The following RAB14 variants were observed in gnomAD, a reference collection of about 807,000 sequenced individuals.
RAB14 encodes the protein ras-related protein Rab-14.
In RAB14, 3 loss-of-function variants were observed where a neutral mutation model predicts 31.1. The ratio of observed to expected loss-of-function variants is 0.10; its 90% confidence interval spans 0.04 to 0.25. The LOEUF (loss-of-function observed/expected upper bound fraction) is 0.25, where lower values mean the gene tolerates loss of function less well. Ranked by LOEUF, RAB14 falls within the 10% of genes least tolerant of loss-of-function variation. RAB14 has a pLI of 1.00. For synonymous variants in RAB14, 85 were observed against 84.9 expected, an observed-to-expected ratio of 1.00 and a Z score of 0.00; for missense variants, 111 against 260.1, an observed-to-expected ratio of 0.43 and a Z score of 3.94.
intron 1 of RAB14, among the ~76,000 whole-genome samples, chr9:121,196,355 T>TA (rs1214863404): frequency 1.3e-5 from 2 of 152,196 alleles, no homozygotes; most frequent in African/African-American, 4.8e-5. Flanking sequence ...AACAGGCATT[T>TA]AACACATAAT....
chr9:121,186,089 A>T (rs1266435879), intron 5 of RAB14, among the ~76,000 whole-genome samples: 1 of 152,140 alleles, frequency 6.6e-6, no homozygotes, highest in African/African-American at 2.4e-5. Flanking sequence ...AGTGAGACAC[A>T]AGCCTTGTTC....
chr9:121,182,666 T>C (rs1220305738), intron 7 of RAB14, among the ~76,000 whole-genome samples: 1 of 152,204 alleles, frequency 6.6e-6, no homozygotes. Context: ...CAAACACTTT[T>C]GAAATGTAAA....
At chr9:121,184,386 T>C (rs764971297) in intron 5 of RAB14, among the ~76,000 whole-genome samples, 1 of 152,132 alleles carries the variant, frequency 6.6e-6, no homozygotes, top group South Asian at 2.1e-4. Flanking sequence ...AAAAAATATG[T>C]ACCCTTGGGA....
intron 5 of RAB14, 102 bp from the exon 6 acceptor site, chr9:121,183,500 G>T (rs1382228146): frequency 1.4e-5 from 12 of 879,952 alleles, no homozygotes; most frequent in Non-Finnish European, 2.1e-5. Flanking sequence ...AAAATGACTG[G>T]GCCTAAAAAG....
rs779012859 is a variant in RAB14 at position 121,180,194 on chromosome 9, A to T, written c.*1202T>A. On this transcript the variant is annotated 3_prime_UTR_variant, in exon 8 of 8. Coordinates refer to ENST00000373840, the MANE Select transcript of RAB14 (RefSeq NM_016322.4). ...GGGATATCTTAAGTTATTTCACTGT[A>T]GGGTTAAAAATGCACAATTTAAAAT... 5.2e-5 allele frequency: 8 copies of T among 152,682 alleles called. No individual in the cohort carries two copies. The highest frequency in any genetic ancestry group is 7.3e-5 in the Non-Finnish European group (5 of 68,042). The allele number at this position is 152,682 out of a possible 1,614,324, so 9.5% of individuals were successfully genotyped here.
At position 121,182,656 on chromosome 9, in the gene RAB14, C is replaced by CA. The variant is rs2053639500; in HGVS notation, c.470+273dup. Among the ~76,000 whole-genome samples, 4 of 152,286 alleles carry CA rather than the reference C, an allele frequency of 2.6e-5. No homozygotes were observed. In the South Asian group the frequency reaches 8.3e-4, roughly 32 times the overall value. On this transcript the variant is annotated intron_variant, in intron 7 of 7. Transcript: ENST00000373840. ...TCAAACACTGTCATTTGGGAAAAGTCAAACACTTTTGAAATGTAAACAAAG... is the reference window on the plus strand; with the variant it reads ...TCAAACACTGTCATTTGGGAAAAGTCAAAACACTTTTGAAATGTAAACAAAG...
At chr9:121,188,035 T>C (rs2053666929) in intron 4 of RAB14, among the ~76,000 whole-genome samples, 1 of 151,990 alleles carries the variant, frequency 6.6e-6, no homozygotes, top group East Asian at 1.9e-4. Context: ...TCAAAGTATA[T>C]AGTTCTTTCC....
chr9:121,196,686 T>C (rs1270338589), intron 1 of RAB14, among the ~76,000 whole-genome samples: 3 of 152,196 alleles, frequency 2.0e-5, no homozygotes. Flanking sequence ...CATGTAGCTC[T>C]GCAGTATTCA....
chr9:121,191,844 G>T (rs2053688572), intron 3 of RAB14, among the ~76,000 whole-genome samples: 1 of 152,060 alleles, frequency 6.6e-6, no homozygotes, highest in South Asian at 2.1e-4. Flanking sequence ...GATACATGCA[G>T]CAAATTTCTC....
intron 5 of RAB14, 125 bp downstream of exon 5, chr9:121,186,828 A>G: frequency 1.9e-6 from 1 of 522,084 alleles, no homozygotes. Flanking sequence ...AACTAATTGA[A>G]GAATACAATA....
intron 1 of RAB14, among the ~76,000 whole-genome samples, chr9:121,200,679 C>T (rs2053760183): frequency 1.3e-5 from 2 of 152,024 alleles, no homozygotes; most frequent in Middle Eastern, 3.2e-3. Flanking sequence ...TGTCTGTAAC[C>T]CTAGCCTAAT....
At chr9:121,183,592 T>C (rs909979420) in intron 5 of RAB14, among the ~76,000 whole-genome samples, 194 bp from the exon 6 acceptor site, 3 of 152,234 alleles carry the variant, frequency 2.0e-5, no homozygotes, top group African/African-American at 7.2e-5. Flanking sequence ...AGCAATGATC[T>C]AGGTCAGGGG....
chr9:121,194,056 A>C (rs1392344497), intron 1 of RAB14, among the ~76,000 whole-genome samples: 3 of 151,430 alleles, frequency 2.0e-5, no homozygotes. Flanking sequence ...TGGCATTTTC[A>C]TATAGCTCAA....
rs1306857514 is a variant in RAB14 at position 121,178,291 on chromosome 9, C to CTT, written c.*3103_*3104dup. 1.3e-5 allele frequency: 2 copies of CTT among 152,166 alleles called. No individual in the cohort carries two copies. The highest frequency in any genetic ancestry group is 3.8e-4 in the East Asian group (2 of 5,200). The allele number at this position is 152,166 out of a possible 1,614,324, so 9.4% of individuals were successfully genotyped here. The stretch of plus-strand genomic sequence containing the variant: ...CATCTTTCAAAACAAAACTTGATTT[C>CTT]TTTTGTATTTACATTTTTTGTTTCA... On this transcript the variant is annotated 3_prime_UTR_variant, in exon 8 of 8. Transcript: ENST00000373840.
At chr9:121,181,620 AAAGAC>A in intron 7 of RAB14, 47 bp from the exon 8 acceptor site, 1 of 1,487,056 alleles carries the variant, frequency 6.7e-7, no homozygotes. Context: ...GTTTTCTACA[AAAGAC>A]AAGACACTGA....
rs2053610598 is a variant in RAB14 at position 121,178,473 on chromosome 9, G to A, written c.*2923C>T. On this transcript the variant is annotated 3_prime_UTR_variant, in exon 8 of 8. Coordinates refer to ENST00000373840, the MANE Select transcript of RAB14 (RefSeq NM_016322.4). ...TATTCCCACATGAAGAGGAATGGAAGGTAATTATTTGGTCTTTTCTTCTGT... is the reference window on the plus strand; with the variant it reads ...TATTCCCACATGAAGAGGAATGGAAAGTAATTATTTGGTCTTTTCTTCTGT... 1 of 151,530 alleles carries A rather than the reference G, an allele frequency of 6.6e-6. No individual in the cohort carries two copies. 9.4% of individuals were successfully genotyped at this position (151,530 alleles called of 1,614,324 possible). A position where few individuals can be genotyped will look rare whatever the true frequency, so the allele number is the denominator to read the frequency against.
intron 4 of RAB14, among the ~76,000 whole-genome samples, chr9:121,187,554 A>C (rs939314293): frequency 1.3e-5 from 2 of 152,092 alleles, no homozygotes; most frequent in Non-Finnish European, 2.9e-5. Context: ...TAACAGCATA[A>C]AATTGACTTT....
At chr9:121,184,095 G>A (rs1225835669) in intron 5 of RAB14, among the ~76,000 whole-genome samples, 1 of 152,128 alleles carries the variant, frequency 6.6e-6, no homozygotes, top group Non-Finnish European at 1.5e-5. Context: ...AGTGGTAGGA[G>A]GACATTAGAT....
At chr9:121,185,899 C>T (rs1044409219) in intron 5 of RAB14, among the ~76,000 whole-genome samples, 5 of 152,060 alleles carry the variant, frequency 3.3e-5, no homozygotes, top group Non-Finnish European at 7.4e-5. Flanking sequence ...GTATGTAAAC[C>T]TTGGGTTTAA....
Sources: allele counts gnomAD v4.1 joint callset (sites outside exome capture counted in the v4.1 genomes callset), GRCh38; gene constraint gnomAD v4.1.1; transcripts MANE v1.5; gene names NCBI Gene and HGNC (gene_info 2026-07-23, HGNC 2026-07-21).